DYNC1I1: variants seen among roughly 807,000 people sequenced by gnomAD.
DYNC1I1 encodes dynein cytoplasmic 1 intermediate chain 1.
DYNC1I1 carries 43 observed loss-of-function variants against 86.6 expected under a neutral mutation model. That is an observed-to-expected ratio of 0.50 (90% CI 0.39 to 0.64). DYNC1I1 has a LOEUF of 0.64. Ranked by LOEUF, DYNC1I1 falls within the 30% of genes least tolerant of loss-of-function variation. The probability of loss-of-function intolerance (pLI) is 0.00; values close to 1 mark genes in which losing one functional copy is unlikely to be tolerated. For synonymous variants in DYNC1I1, 262 were observed against 283.7 expected, an observed-to-expected ratio of 0.92 and a Z score of 0.77; for missense variants, 604 against 788.8, an observed-to-expected ratio of 0.77 and a Z score of 2.81.
chr7:95,905,529 G>A (rs138513397), intron 6 of DYNC1I1, among the ~76,000 whole-genome samples: 424 of 152,260 alleles, frequency 2.8e-3, no homozygotes, highest in African/African-American at 9.6e-3. Context: ...TAAGACTCAT[G>A]CTAATATTGC....
chr7:96,053,245 T>C (rs1391386924), intron 14 of DYNC1I1, among the ~76,000 whole-genome samples: 1 of 152,240 alleles, frequency 6.6e-6, no homozygotes, highest in Non-Finnish European at 1.5e-5. Flanking sequence ...TGCATTTAAC[T>C]GAATAATCAC....
intron 4 of DYNC1I1, chr7:95,818,574 A>G: frequency 3.1e-6 from 2 of 643,206 alleles, no homozygotes; most frequent in African/African-American, 3.7e-5. Flanking sequence ...TCTTCATCCC[A>G]AAGTGGTGGG....
Position 95,857,847 on chromosome 7 carries a change from G to C in DYNC1I1, c.375-12036G>C, listed in dbSNP as rs140935338. On this transcript the variant is annotated intron_variant, in intron 5 of 16. Transcript: ENST00000447467. ...GACTCACCCATCACTTTCACATTAT[G>C]TAGTGAATAAAGATTCTTAAATCAT... Among the ~76,000 whole-genome samples the C allele has an allele frequency of 1.1e-3, 165 of 152,258 alleles. 1 individual carries two copies. Among genetic ancestry groups the C allele is most frequent in the African/African-American group, 3.6e-3 (149 of 41,542 alleles).
At chr7:95,827,890 T>A (rs1795236864) in intron 4 of DYNC1I1, among the ~76,000 whole-genome samples, 167 bp from the exon 5 acceptor site, 2 of 152,144 alleles carry the variant, frequency 1.3e-5, no homozygotes, top group African/African-American at 2.4e-5. Context: ...GCTCCTCGAT[T>A]TCTCTTGTTT....
At chr7:95,892,543 C>T (rs1267811411) in intron 6 of DYNC1I1, among the ~76,000 whole-genome samples, 1 of 151,988 alleles carries the variant, frequency 6.6e-6, no homozygotes, top group Non-Finnish European at 1.5e-5. Context: ...TATCTCCTGA[C>T]CTCATGATCC....
chr7:96,006,265 G>A (rs1794139434), intron 10 of DYNC1I1, among the ~76,000 whole-genome samples: 1 of 152,158 alleles, frequency 6.6e-6, no homozygotes, highest in African/African-American at 2.4e-5. Flanking sequence ...GGCAGGGGAA[G>A]ATGCGAGCAT....
intron 6 of DYNC1I1, among the ~76,000 whole-genome samples, chr7:95,934,282 C>A (rs1322365403): frequency 1.3e-5 from 2 of 152,112 alleles, no homozygotes; most frequent in African/African-American, 4.8e-5. Flanking sequence ...TACCGGTACA[C>A]TATTAGGTAC....
chr7:96,095,860 GAA>G (rs1790987294), intron 16 of DYNC1I1, among the ~76,000 whole-genome samples: 1 of 152,046 alleles, frequency 6.6e-6, no homozygotes, highest in Non-Finnish European at 1.5e-5. Flanking sequence ...TGGAATATAG[GAA>G]AAGAGTCCAA....
rs1251779659 is a variant in DYNC1I1, at chr7:95,980,372, T to C, written c.580+2771T>C. Among the ~76,000 whole-genome samples, 4 of 151,658 alleles carry C rather than the reference T, an allele frequency of 2.6e-5. No homozygotes were observed. In the South Asian group the frequency reaches 8.3e-4, roughly 32 times the overall value. On this transcript the variant is annotated intron_variant, in intron 7 of 16. Transcript: ENST00000447467. The stretch of plus-strand genomic sequence containing the variant: ...TTGAAAGAATCTCTAGCAGATATAA[T>C]CGTGGCGCCATTCACACGACTGCAT...
chr7:95,888,654 C>T (rs75133510), intron 6 of DYNC1I1, among the ~76,000 whole-genome samples: 3,709 of 152,134 alleles, frequency 0.024, 130 homozygotes, highest in African/African-American at 0.076. Context: ...TGCCAAAGGC[C>T]TGGTTGTCTG....
intron 5 of DYNC1I1, among the ~76,000 whole-genome samples, chr7:95,867,513 G>T (rs1425278172): frequency 2.6e-5 from 4 of 152,156 alleles, no homozygotes; most frequent in Admixed American, 6.6e-5. Flanking sequence ...GTGCTGTATG[G>T]TCTCACCTGC....
At chr7:96,009,599 A>T (rs760937183) in intron 10 of DYNC1I1, among the ~76,000 whole-genome samples, 1 of 152,152 alleles carries the variant, frequency 6.6e-6, no homozygotes, top group Non-Finnish European at 1.5e-5. Context: ...TAACAAATAC[A>T]GTCTTTTCTG....
intron 10 of DYNC1I1, among the ~76,000 whole-genome samples, chr7:96,004,645 T>C (rs1044491503): frequency 3.2e-5 from 4 of 124,794 alleles, no homozygotes; most frequent in African/African-American, 1.3e-4. Flanking sequence ...CATAAATGCA[T>C]GCACACACAC....
chr7:96,035,589 T>G, intron 12 of DYNC1I1, 30 bp from the exon 13 acceptor site: 1 of 1,550,516 alleles, frequency 6.4e-7, no homozygotes, highest in Non-Finnish European at 8.7e-7. Context: ...AGTTGACAGA[T>G]GGAAATGTAA....
At chr7:95,807,512 C>T (rs1794729245) in intron 2 of DYNC1I1, among the ~76,000 whole-genome samples, 1 of 152,086 alleles carries the variant, frequency 6.6e-6, no homozygotes, top group African/African-American at 2.4e-5. Context: ...CTTTTTGCCT[C>T]CATTTTTTTT....
intron 6 of DYNC1I1, among the ~76,000 whole-genome samples, chr7:95,974,496 A>G (rs989316780): frequency 3.9e-5 from 6 of 152,240 alleles, no homozygotes; most frequent in African/African-American, 1.4e-4. Context: ...CCACTCCAGC[A>G]GATGAGAAAT....
chr7:95,902,661 G>C (rs1403998684), intron 6 of DYNC1I1, among the ~76,000 whole-genome samples: 1 of 152,078 alleles, frequency 6.6e-6, no homozygotes, highest in Admixed American at 6.6e-5. Flanking sequence ...TTTTTTTATA[G>C]TATTATTTAT....
At chr7:95,786,330 G>A (rs191220151) in intron 1 of DYNC1I1, among the ~76,000 whole-genome samples, 1 of 152,298 alleles carries the variant, frequency 6.6e-6, no homozygotes, top group Admixed American at 6.5e-5. Context: ...CTACTCGCAT[G>A]TCAATGTCTG....
At position 96,098,353 on chromosome 7, in the gene DYNC1I1, C is replaced by T; in HGVS notation, c.*760C>T. 1.0e-6 allele frequency: 1 copy of T among 985,686 alleles called. No homozygotes were observed. Among genetic ancestry groups the T allele is most frequent in the South Asian group, 4.7e-5 (1 of 21,288 alleles). 61.1% of individuals were successfully genotyped at this position (985,686 alleles called of 1,614,324 possible). A position where few individuals can be genotyped will look rare whatever the true frequency, so the allele number is the denominator to read the frequency against. On this transcript the variant is annotated 3_prime_UTR_variant, in exon 17 of 17. Transcript: ENST00000447467. Reference sequence around the variant, plus strand: ...TGACCACTAATACTTCTCACTGAAGCTAACACAGTCTGACAAAAGTCTATG... The same window carrying T: ...TGACCACTAATACTTCTCACTGAAGTTAACACAGTCTGACAAAAGTCTATG...
Sources: gnomAD v4.1 joint callset for allele counts (sites outside exome capture counted in the v4.1 genomes callset) on GRCh38, gnomAD v4.1.1 for gene constraint, MANE v1.5 for transcripts, NCBI Gene and HGNC (gene_info 2026-07-23, HGNC 2026-07-21) for gene names.